The following DUXA variants were observed in gnomAD, a reference collection of about 807,000 sequenced individuals.
The protein encoded by DUXA is double homeobox protein A.
DUXA carries 25 observed loss-of-function variants against 27.5 expected under a neutral mutation model. The observed-to-expected ratio is 0.91, with a 90% confidence interval of 0.66 to 1.27. The LOEUF (loss-of-function observed/expected upper bound fraction) is 1.27, where lower values mean the gene tolerates loss of function less well. DUXA is among the 50% of genes most tolerant of loss of function. The pLI is 0.00. For synonymous variants in DUXA, 90 were observed against 80.5 expected (o/e 1.12, Z -0.63); for missense variants, 247 against 242.9 (o/e 1.02, Z -0.11).
At chr19:57,161,345 T>C (rs1288710713) in intron 1 of DUXA, among the ~76,000 whole-genome samples, 2 of 35,684 alleles carry the variant, frequency 5.6e-5, no homozygotes, top group Non-Finnish European at 5.4e-5. Context: ...AAAAAAAAAC[T>C]GGGCGCGGTG....
At chr19:57,156,212 A>T (rs2086992440) in intron 4 of DUXA, among the ~76,000 whole-genome samples, 1 of 152,078 alleles carries the variant, frequency 6.6e-6, no homozygotes, top group Non-Finnish European at 1.5e-5. Context: ...TTTTACTTCC[A>T]ATTCCCAGAA....
Position 57,154,339 on chromosome 19 carries a change from A to G in DUXA, c.*73T>C. On this transcript the variant is annotated 3_prime_UTR_variant, in exon 6 of 6. Transcript: ENST00000554048. ...TAGCTTGCAGTTTCAGCAGAAGGAT[A>G]GACTCCCAGGAAGACCGTGAGACAG... 4 of 1,402,362 alleles carry G rather than the reference A, an allele frequency of 2.9e-6. No individual in the cohort carries two copies. Among genetic ancestry groups the G allele is most frequent in the South Asian group, 1.2e-5 (1 of 85,618 alleles). The allele number at this position is 1,402,362 out of a possible 1,614,324, so 86.9% of individuals were successfully genotyped here. A position where few individuals can be genotyped will look rare whatever the true frequency, so the allele number is the denominator to read the frequency against.
intron 1 of DUXA, among the ~76,000 whole-genome samples, chr19:57,165,730 G>GGGA (rs1163192951): frequency 6.7e-6 from 1 of 150,352 alleles, no homozygotes; most frequent in Admixed American, 6.7e-5. Context: ...GCATGAACCC[G>GGGA]GGAGGCAGAG....
intron 1 of DUXA, among the ~76,000 whole-genome samples, chr19:57,164,223 G>A (rs993560317): frequency 9.2e-5 from 14 of 152,128 alleles, no homozygotes; most frequent in African/African-American, 2.4e-4. Flanking sequence ...TTTATCCCAC[G>A]GATGCAAGGA....
intron 3 of DUXA, 71 bp from the exon 4 acceptor site, chr19:57,158,544 C>A: frequency 6.4e-7 from 1 of 1,559,622 alleles, no homozygotes; most frequent in Non-Finnish European, 8.7e-7. Flanking sequence ...CATATTCAAA[C>A]ACAGAACCCA....
At chr19:57,157,971 G>A (rs2087000493) in intron 4 of DUXA, among the ~76,000 whole-genome samples, 1 of 148,080 alleles carries the variant, frequency 6.8e-6, no homozygotes, top group South Asian at 2.2e-4. Flanking sequence ...TCCAGCCTGG[G>A]TAATAGAGTG....
In DUXA at chr19:57,158,331, G is replaced by A. The variant is rs773245560; in HGVS notation, c.435C>T (p.Val145=). The A allele has an allele frequency of 6.2e-7, 1 of 1,611,874 alleles. No individual in the cohort carries two copies. Residue 145 remains valine (V), a synonymous_variant, in exon 4 of 6, where the codon GTC becomes GTT. Coordinates refer to ENST00000554048, the MANE Select transcript of DUXA (RefSeq NM_001012729.2). The part of the protein sequence containing the change: ...AKEIGVPESR[V]QIWFQNRRSR... Reference sequence around the variant, plus strand: ...CAACCACCTTCTTATCACTCACTTGGACTCTTGACTCTGGAACACCGATTT... The same window carrying A: ...CAACCACCTTCTTATCACTCACTTGAACTCTTGACTCTGGAACACCGATTT...
At chr19:57,162,003 A>C (rs993744432) in intron 1 of DUXA, among the ~76,000 whole-genome samples, 7 of 152,010 alleles carry the variant, frequency 4.6e-5, no homozygotes, top group African/African-American at 1.7e-4. Context: ...TGATCCTCCT[A>C]CCTCAGCCTC....
Position 57,154,291 on chromosome 19 carries a change from T to A in DUXA, c.*121A>T. ...GTGTGACCCACCACATCTGGCCAAGTCCTTTACCATCTTCAGAAGGCTTAG... is the reference window on the plus strand; with the variant it reads ...GTGTGACCCACCACATCTGGCCAAGACCTTTACCATCTTCAGAAGGCTTAG... On this transcript the variant is annotated 3_prime_UTR_variant, in exon 6 of 6. Coordinates refer to ENST00000554048, the MANE Select transcript of DUXA (RefSeq NM_001012729.2). 1.1e-6 allele frequency: 1 copy of A among 901,310 alleles called. No homozygotes were observed. The highest frequency in any genetic ancestry group is 1.7e-6 in the Non-Finnish European group (1 of 582,034). 55.8% of individuals were successfully genotyped at this position (901,310 alleles called of 1,614,324 possible).
chr19:57,160,914 G>A (rs928992813), intron 1 of DUXA, 117 bp from the exon 2 acceptor site: 1 of 1,164,618 alleles, frequency 8.6e-7, no homozygotes, highest in African/African-American at 1.5e-5. Flanking sequence ...CACTCCAGGA[G>A]AACTACCCTC....
chr19:57,154,649 C>T (rs148840683), intron 5 of DUXA, among the ~76,000 whole-genome samples, 167 bp from the exon 6 acceptor site: 2,402 of 151,760 alleles, frequency 0.016, 47 homozygotes, highest in African/African-American at 0.046. Flanking sequence ...CTGCAAGCTC[C>T]GCCTCCCGGG....
chr19:57,159,701 C>T (rs1359531577), intron 2 of DUXA, among the ~76,000 whole-genome samples: 1 of 151,484 alleles, frequency 6.6e-6, no homozygotes, highest in Non-Finnish European at 1.5e-5. Flanking sequence ...GCATGACCTA[C>T]CACGCCCAGC....
intron 2 of DUXA, 94 bp downstream of exon 2, chr19:57,160,549 C>T (rs2087015127): frequency 7.0e-7 from 1 of 1,431,232 alleles, no homozygotes; most frequent in Non-Finnish European, 9.5e-7. Context: ...CCCTACCAAG[C>T]CCTCAGCACA....
In DUXA at chr19:57,154,678, C is replaced by T. The variant is rs960023248; in HGVS notation, c.545-196G>A. The stretch of plus-strand genomic sequence containing the variant: ...TCCCGGGTTCACGCCATGCTCCTGC[C>T]TCAGCCTCCCGAGTAGCTGGGACTA... On this transcript the variant is annotated intron_variant, in intron 5 of 5. Coordinates refer to ENST00000554048, the MANE Select transcript of DUXA (RefSeq NM_001012729.2). Among the ~76,000 whole-genome samples the T allele has an allele frequency of 3.3e-5, 5 of 152,044 alleles. No homozygotes were observed. In the East Asian group the frequency reaches 7.8e-4, roughly 24 times the overall value.
At chr19:57,161,369 A>G (rs1459896257) in intron 1 of DUXA, among the ~76,000 whole-genome samples, 8 of 141,858 alleles carry the variant, frequency 5.6e-5, no homozygotes, top group Non-Finnish European at 1.1e-4. Flanking sequence ...CACACCTGTA[A>G]TCCCAGCACT....
intron 1 of DUXA, among the ~76,000 whole-genome samples, chr19:57,161,110 G>C (rs530935752): frequency 2.0e-5 from 3 of 151,854 alleles, no homozygotes; most frequent in Admixed American, 6.6e-5. Flanking sequence ...CAGATCATGA[G>C]GTCAGGAGTT....
intron 1 of DUXA, among the ~76,000 whole-genome samples, chr19:57,165,965 AGAG>A (rs2087052433): frequency 6.6e-6 from 1 of 152,148 alleles, no homozygotes; most frequent in South Asian, 2.1e-4. Flanking sequence ...TCAAGTGGCA[AGAG>A]TAGAGAGTGC....
rs2086987397 is a variant in DUXA, at chr19:57,155,325, C to T, written c.486G>A (p.Arg162=). The change falls in exon 5 of 6, where the codon AGG becomes AGA. Residue 162 remains arginine (R), a synonymous_variant. Transcript: ENST00000554048. The stretch of plus-strand genomic sequence containing the variant: ...CTTGTTCTAAGGACGCCACAGGTTC[C>T]CTTTTTCTCTGGAGAAGTAATCTAG... ...RRSRLLLQRK[R]EPVASLEQEE... is the part of the protein sequence containing the mutation. 2 of 1,614,038 alleles carry T rather than the reference C, an allele frequency of 1.2e-6. No individual in the cohort carries two copies. The highest frequency in any genetic ancestry group is 2.2e-5 in the East Asian group (1 of 44,898).
intron 2 of DUXA, among the ~76,000 whole-genome samples, chr19:57,160,342 T>C (rs952260579): frequency 6.6e-6 from 1 of 152,242 alleles, no homozygotes; most frequent in African/African-American, 2.4e-5. Flanking sequence ...TTTGCTCTAA[T>C]TATTAATATT....
Sources: gnomAD v4.1 joint callset for allele counts (sites outside exome capture counted in the v4.1 genomes callset) on GRCh38, gnomAD v4.1.1 for gene constraint, MANE v1.5 for transcripts, NCBI Gene and HGNC (gene_info 2026-07-23, HGNC 2026-07-21) for gene names.